ATP2C2: variants seen among roughly 807,000 people sequenced by gnomAD.
ATP2C2 encodes the protein calcium-transporting ATPase type 2C member 2.
In ATP2C2, 171 loss-of-function variants were observed where a neutral mutation model predicts 110.8. The ratio of observed to expected loss-of-function variants is 1.54; its 90% confidence interval spans 1.36 to 1.75. The LOEUF is 1.75. Among genes scored for constraint, ATP2C2 ranks in the 40% most tolerant of loss-of-function variants. ATP2C2 has a pLI of 0.00. For synonymous variants in ATP2C2, 804 were observed against 508.4 expected, an observed-to-expected ratio of 1.58 and a Z score of -7.82; for missense variants, 1,963 against 1,235.0, an observed-to-expected ratio of 1.59 and a Z score of -8.84.
rs768107097 is a variant in ATP2C2, at chr16:84,453,182, G to T, written c.1876G>T (p.Gly626Trp). Residue 626 changes from glycine (G) to tryptophan (W), a missense_variant, in exon 19 of 27, where the codon GGG (glycine) becomes TGG (tryptophan). Gly to Trp is a radical substitution (Grantham distance 184). Transcript: ENST00000262429. ...CAACGGGAAGCTGCAAGCCATGTCC[G>T]GGGAGGAGGTGGACAGCGTGGAGAA... is the stretch of plus-strand genomic sequence containing the variant. ...LCNGKLQAMS[G>W]EEVDSVEKGE... The T allele has an allele frequency of 1.9e-5, 31 of 1,613,814 alleles. No homozygotes were observed. In the South Asian group the frequency reaches 3.3e-4, roughly 17 times the overall value.
chr16:84,411,966 C>G lies in ATP2C2; in HGVS notation c.515+1201C>G, dbSNP rs924699963. On this transcript the variant is annotated intron_variant, in intron 6 of 26. Transcript: ENST00000262429. ...TTCTTTTCTTTCTTTTCTTTCTTTC[C>G]TTTCTCTTCTTTCTTTTCCTTTCTT... is the stretch of plus-strand genomic sequence containing the variant. 2.0e-5 allele frequency among the ~76,000 whole-genome samples: 3 copies of G among 147,810 alleles called. No individual in the cohort carries two copies. In the East Asian group the frequency reaches 5.9e-4, roughly 29 times the overall value.
At chr16:84,381,596 T>A (rs536572250) in intron 1 of ATP2C2, among the ~76,000 whole-genome samples, 218 of 151,706 alleles carry the variant, frequency 1.4e-3, no homozygotes, top group African/African-American at 5.0e-3. Flanking sequence ...AAAAAATATT[T>A]AAAAAAAAAT....
At chr16:84,432,232 C>T (rs544483196) in intron 11 of ATP2C2, among the ~76,000 whole-genome samples, 2 of 152,200 alleles carry the variant, frequency 1.3e-5, no homozygotes, top group East Asian at 1.9e-4. Context: ...GTACACTGTA[C>T]CCAATGTGTT....
At chr16:84,403,045 T>C (rs1273603749) in intron 2 of ATP2C2, among the ~76,000 whole-genome samples, 2 of 152,200 alleles carry the variant, frequency 1.3e-5, no homozygotes, top group Non-Finnish European at 2.9e-5. Context: ...ATCCATTTCT[T>C]CTATATTTTC....
At chr16:84,460,870 C>T (rs1393884125) in intron 24 of ATP2C2, 69 bp downstream of exon 24, 5 of 1,510,504 alleles carry the variant, frequency 3.3e-6, no homozygotes, top group Admixed American at 4.0e-5. Flanking sequence ...ACTGCAGTCC[C>T]TGCCCTCCTG....
At position 84,443,978 on chromosome 16, in the gene ATP2C2, G is replaced by T. The variant is rs547200246; in HGVS notation, c.1401+1379G>T. Among the ~76,000 whole-genome samples, 20 of 151,890 alleles carry T rather than the reference G, an allele frequency of 1.3e-4. No homozygotes were observed. The South Asian group carries it at 4.2e-3, about 32-fold the overall frequency. On this transcript the variant is annotated intron_variant, in intron 15 of 26. Coordinates refer to ENST00000262429, the MANE Select transcript of ATP2C2 (RefSeq NM_014861.4). ...GGCCAAGAGTTTGAGACCAGCCTGG[G>T]CAACATAGCGAAAACCCATCTCTAC... is the stretch of plus-strand genomic sequence containing the variant.
chr16:84,456,089 C>CT (rs1448715108), intron 21 of ATP2C2, among the ~76,000 whole-genome samples: 14 of 103,780 alleles, frequency 1.3e-4, no homozygotes, highest in African/African-American at 5.2e-4. Flanking sequence ...CTAAAATTCT[C>CT]TTTTTTGGTT....
In ATP2C2 at chr16:84,422,698, G is replaced by A. The variant is rs934364899; in HGVS notation, c.843+1G>A. On this transcript the variant is annotated splice_donor_variant, in intron 9 of 26. Transcript: ENST00000262429. LOFTEE classifies it high-confidence loss of function. ...GTTTAAGATGATGCAGGCTGAAGAG[G>A]TAAGGGGCAGGAGGGGGCTTCGGGA... The A allele has an allele frequency of 8.1e-6, 13 of 1,610,242 alleles. No individual in the cohort carries two copies. The highest frequency in any genetic ancestry group is 9.3e-6 in the Non-Finnish European group (11 of 1,178,710).
chr16:84,458,621 C>A (rs1398081092), intron 21 of ATP2C2, among the ~76,000 whole-genome samples: 1 of 152,172 alleles, frequency 6.6e-6, no homozygotes, highest in Non-Finnish European at 1.5e-5. Context: ...ACATTAGTGA[C>A]CCCAGGTCAA....
intron 10 of ATP2C2, among the ~76,000 whole-genome samples, chr16:84,425,252 A>G (rs1907707447): frequency 6.6e-6 from 1 of 152,238 alleles, no homozygotes; most frequent in Non-Finnish European, 1.5e-5. Flanking sequence ...CACCTAGTGC[A>G]GTAACTGGTG....
chr16:84,420,588 C>G (rs572290017), intron 7 of ATP2C2, among the ~76,000 whole-genome samples: 49 of 151,750 alleles, frequency 3.2e-4, no homozygotes, highest in African/African-American at 9.9e-4. Context: ...TTTTTAATGC[C>G]TTAGCTTACT....
At chr16:84,391,129 A>AT (rs1567690546) in intron 1 of ATP2C2, among the ~76,000 whole-genome samples, 4 of 151,366 alleles carry the variant, frequency 2.6e-5, no homozygotes, top group African/African-American at 9.7e-5. Flanking sequence ...AAAAAAAAAA[A>AT]AAAAAGAAGA....
intron 16 of ATP2C2, 67 bp from the exon 17 acceptor site, chr16:84,448,466 G>T: frequency 3.3e-6 from 5 of 1,517,382 alleles, no homozygotes; most frequent in Non-Finnish European, 4.5e-6. Flanking sequence ...TGTGCAGAGT[G>T]GGGTGATGGT....
In ATP2C2 at chr16:84,459,151, T is replaced by C; in HGVS notation, c.2179T>C (p.Tyr727His). The C allele has an allele frequency of 6.8e-6, 11 of 1,614,184 alleles. No homozygotes were observed. Among genetic ancestry groups the C allele is most frequent in the Non-Finnish European group, 9.3e-6 (11 of 1,180,036 alleles). The change falls in exon 22 of 27, where the codon TAC becomes CAC. Residue 727 changes from tyrosine (Y) to histidine (H), a missense_variant. Tyr to His is a moderately conservative substitution (Grantham distance 83). Transcript: ENST00000262429. ...NAVEEGKGIF[Y>H]NIKNFVRFQL... ...AGTGGAGGAAGGCAAGGGTATTTTT[T>C]ACAACATCAAAAACTTTGTCCGATT...
chr16:84,399,784 G>C (rs954410084), intron 2 of ATP2C2, among the ~76,000 whole-genome samples: 1 of 152,112 alleles, frequency 6.6e-6, no homozygotes, highest in Non-Finnish European at 1.5e-5. Flanking sequence ...TACACTCTTT[G>C]AGTTATTTTA....
Position 84,431,006 on chromosome 16 carries a change from T to A in ATP2C2, c.986+5205T>A, listed in dbSNP as rs568250500. 2.2e-4 allele frequency among the ~76,000 whole-genome samples: 33 copies of A among 152,186 alleles called. 1 individual carries two copies. The highest frequency in any genetic ancestry group is 1.8e-3 in the Admixed American group (28 of 15,278). On this transcript the variant is annotated intron_variant, in intron 11 of 26. Transcript: ENST00000262429. ...AATGGGCTCGAGTTTGTTTGCCCCATGAATATGTATTGGGCATCTGTTGAC... is the reference window on the plus strand; with the variant it reads ...AATGGGCTCGAGTTTGTTTGCCCCAAGAATATGTATTGGGCATCTGTTGAC...
intron 1 of ATP2C2, among the ~76,000 whole-genome samples, chr16:84,371,970 A>C (rs1476463961): frequency 3.3e-5 from 5 of 152,222 alleles, no homozygotes; most frequent in East Asian, 3.8e-4. Context: ...TTTAATGCCA[A>C]CGTGTCAGAG....
At chr16:84,445,088 G>A (rs1308847002) in intron 15 of ATP2C2, among the ~76,000 whole-genome samples, 2 of 152,170 alleles carry the variant, frequency 1.3e-5, no homozygotes, top group Non-Finnish European at 2.9e-5. Flanking sequence ...CCAGTTTCTG[G>A]GTGTTACTGG....
chr16:84,392,160 C>T (rs1904703683), intron 1 of ATP2C2, among the ~76,000 whole-genome samples: 1 of 152,078 alleles, frequency 6.6e-6, no homozygotes, highest in Admixed American at 6.6e-5. Flanking sequence ...TGAGGGGAGC[C>T]AATCTTGACT....
Sources: allele counts gnomAD v4.1 joint callset (sites outside exome capture counted in the v4.1 genomes callset), GRCh38; gene constraint gnomAD v4.1.1; transcripts MANE v1.5; gene names NCBI Gene and HGNC (gene_info 2026-07-23, HGNC 2026-07-21).